Variants in EXOC6B observed in about 807,000 individuals in gnomAD.
EXOC6B encodes SEC15 homolog B.
A neutral mutation model predicts 113.5 loss-of-function variants in EXOC6B; 54 were observed. The ratio of observed to expected loss-of-function variants is 0.48; its 90% CI spans 0.38 to 0.60. The LOEUF (loss-of-function observed/expected upper bound fraction) is 0.60. EXOC6B is among the 20% of genes least tolerant of loss of function. The pLI, the probability that EXOC6B is intolerant of heterozygous loss-of-function variation, is 0.00. For synonymous variants in EXOC6B, 357 were observed against 339.0 expected, an observed-to-expected ratio of 1.05 and a Z score of -0.58; for missense variants, 797 against 977.5, an observed-to-expected ratio of 0.82 and a Z score of 2.46.
intron 19 of EXOC6B, among the ~76,000 whole-genome samples, chr2:72,371,939 C>CA (rs966603030): frequency 6.6e-5 from 10 of 151,788 alleles, no homozygotes; most frequent in East Asian, 1.9e-4. Context: ...AAGCCTCCAC[C>CA]AAAAAAATGA....
At chr2:72,376,853 T>C (rs1691393076) in intron 19 of EXOC6B, among the ~76,000 whole-genome samples, 1 of 152,158 alleles carries the variant, frequency 6.6e-6, no homozygotes, top group African/African-American at 2.4e-5. Context: ...GTGGAATTGT[T>C]TTTTTCTTCC....
chr2:72,177,339 C>T lies in EXOC6B; in HGVS notation c.*1996G>A, dbSNP rs568736131. On this transcript the variant is annotated 3_prime_UTR_variant, in exon 22 of 22. Transcript: ENST00000272427. ...TCTCTCCATTTCCACTTCAAAGTCT[C>T]TCAGCACTTAAAGCTGAAGAGATCT... is the stretch of plus-strand genomic sequence containing the variant. 1.2e-4 allele frequency: 19 copies of T among 152,344 alleles called. No individual in the cohort carries two copies. Among genetic ancestry groups the T allele is most frequent in the Admixed American group, 3.3e-4 (5 of 15,300 alleles). 9.4% of individuals were successfully genotyped at this position (152,344 alleles called of 1,614,324 possible).
At chr2:72,435,480 G>C (rs1329385820) in intron 18 of EXOC6B, among the ~76,000 whole-genome samples, 5 of 152,154 alleles carry the variant, frequency 3.3e-5, no homozygotes, top group Non-Finnish European at 5.9e-5. Flanking sequence ...CTGTCTTGTT[G>C]ATCTGTCTAA....
chr2:72,679,513 G>GT (rs927884702), intron 6 of EXOC6B, among the ~76,000 whole-genome samples: 3 of 152,152 alleles, frequency 2.0e-5, no homozygotes, highest in African/African-American at 7.2e-5. Context: ...TCAAGATTAT[G>GT]TTTTTTGGAA....
chr2:72,646,292 C>A (rs1455793772), intron 6 of EXOC6B, among the ~76,000 whole-genome samples: 1 of 134,168 alleles, frequency 7.5e-6, no homozygotes, highest in East Asian at 2.7e-4. Context: ...GAAATTGAGG[C>A]AATAATTAAT....
chr2:72,595,169 G>A (rs1669994458), intron 6 of EXOC6B, among the ~76,000 whole-genome samples: 1 of 151,602 alleles, frequency 6.6e-6, no homozygotes, highest in Admixed American at 6.6e-5. Flanking sequence ...GCTGAGGCAG[G>A]AGAATCACTT....
intron 6 of EXOC6B, among the ~76,000 whole-genome samples, chr2:72,587,049 A>G (rs1705634365): frequency 6.6e-6 from 1 of 152,196 alleles, no homozygotes. Context: ...TGACCTAGCA[A>G]TCCCATTATT....
At position 72,280,379 on chromosome 2, in the gene EXOC6B, C is replaced by T. The variant is rs576907644; in HGVS notation, c.2196+54568G>A. Among the ~76,000 whole-genome samples, 4 of 152,016 alleles carry T rather than the reference C, an allele frequency of 2.6e-5. No homozygotes were observed. The South Asian group carries it at 8.3e-4, about 32-fold the overall frequency. ...TTTTTTTTAGAAAATGTCAAGATAA[C>T]ACAGATGTTAGAATTAAGCAAAAAG... On this transcript the variant is annotated intron_variant, in intron 20 of 21. Coordinates refer to ENST00000272427, the MANE Select transcript of EXOC6B (RefSeq NM_015189.3).
intron 1 of EXOC6B, among the ~76,000 whole-genome samples, chr2:72,811,092 G>A (rs1408590393): frequency 2.0e-5 from 3 of 152,028 alleles, no homozygotes; most frequent in African/African-American, 7.2e-5. Flanking sequence ...CAGCACTTTG[G>A]GAGTCCGAAG....
chr2:72,715,881 G>A (rs1221175664), intron 6 of EXOC6B, among the ~76,000 whole-genome samples: 1 of 152,128 alleles, frequency 6.6e-6, no homozygotes, highest in Non-Finnish European at 1.5e-5. Flanking sequence ...TGAAATGGAT[G>A]TAGTGACTAC....
At chr2:72,653,861 T>C (rs560845636) in intron 6 of EXOC6B, among the ~76,000 whole-genome samples, 45 of 152,222 alleles carry the variant, frequency 3.0e-4, no homozygotes, top group Admixed American at 2.4e-3. Flanking sequence ...TGAATCTAAA[T>C]GGATATTAAG....
intron 17 of EXOC6B, among the ~76,000 whole-genome samples, chr2:72,467,090 C>A (rs937406421): frequency 6.6e-6 from 1 of 152,166 alleles, no homozygotes; most frequent in Non-Finnish European, 1.5e-5. Flanking sequence ...GCATATTCTT[C>A]TTTCTGTGCC....
At chr2:72,545,236 T>C (rs892514470) in intron 8 of EXOC6B, among the ~76,000 whole-genome samples, 2 of 152,148 alleles carry the variant, frequency 1.3e-5, no homozygotes, top group Non-Finnish European at 2.9e-5. Context: ...CAATGGTTGG[T>C]GAGATGCACT....
intron 18 of EXOC6B, among the ~76,000 whole-genome samples, chr2:72,406,863 C>T (rs1405048509): frequency 6.6e-6 from 1 of 152,090 alleles, no homozygotes; most frequent in Non-Finnish European, 1.5e-5. Context: ...CAGAGCAGAA[C>T]TGAAGGAATC....
chr2:72,405,631 C>G (rs998373236), intron 18 of EXOC6B, among the ~76,000 whole-genome samples: 1 of 152,208 alleles, frequency 6.6e-6, no homozygotes, highest in East Asian at 1.9e-4. Flanking sequence ...GAAATAAAAT[C>G]CTTTACAGAC....
At chr2:72,238,516 C>T (rs1297450847) in intron 20 of EXOC6B, among the ~76,000 whole-genome samples, 1 of 152,158 alleles carries the variant, frequency 6.6e-6, no homozygotes, top group Non-Finnish European at 1.5e-5. Flanking sequence ...TTTGCATTTC[C>T]CCAGCAATGT....
chr2:72,678,020 AT>A (rs1324802984), intron 6 of EXOC6B, among the ~76,000 whole-genome samples: 2 of 152,202 alleles, frequency 1.3e-5, no homozygotes, highest in South Asian at 2.1e-4. Context: ...TTAAAAAAAA[AT>A]ATTTAAAAGA....
intron 18 of EXOC6B, among the ~76,000 whole-genome samples, chr2:72,427,425 C>T (rs981145447): frequency 6.6e-6 from 1 of 152,188 alleles, no homozygotes; most frequent in Non-Finnish European, 1.5e-5. Context: ...GGTGTCTGCT[C>T]CCATTACCTG....
chr2:72,674,254 C>G (rs564470823), intron 6 of EXOC6B, among the ~76,000 whole-genome samples: 4 of 152,282 alleles, frequency 2.6e-5, no homozygotes, highest in Non-Finnish European at 4.4e-5. Flanking sequence ...ACCAATCAAG[C>G]ATACTCCCAA....
Sources: gnomAD v4.1 joint callset for allele counts (sites outside exome capture counted in the v4.1 genomes callset) on GRCh38, gnomAD v4.1.1 for gene constraint, MANE v1.5 for transcripts, NCBI Gene and HGNC (gene_info 2026-07-23, HGNC 2026-07-21) for gene names.